Variants in ETNK1 observed in about 807,000 individuals in gnomAD.
ETNK1 encodes putative protein product of Nbla10396.
ETNK1 carries 8 observed loss-of-function variants against 45.1 expected under a neutral mutation model. The ratio of observed to expected loss-of-function variants is 0.18; its 90% CI spans 0.10 to 0.32. ETNK1 has a LOEUF of 0.32. Among genes scored for constraint, ETNK1 ranks in the 10% least tolerant of loss-of-function variants. ETNK1 has a pLI of 1.00. For synonymous variants in ETNK1, 152 were observed against 151.9 expected, an observed-to-expected ratio of 1.00 and a Z score of -0.01; for missense variants, 302 against 430.6, an observed-to-expected ratio of 0.70 and a Z score of 2.64.
At chr12:22,625,692 A>G (rs954697787) in intron 1 of ETNK1, 106 bp downstream of exon 1, 9 of 1,459,236 alleles carry the variant, frequency 6.2e-6, no homozygotes, top group Non-Finnish European at 7.4e-6. Context: ...GACCTAGGGC[A>G]ACATCTCCTT....
At chr12:22,670,536 C>A (rs999396475) in intron 4 of ETNK1, among the ~76,000 whole-genome samples, 1 of 152,140 alleles carries the variant, frequency 6.6e-6, no homozygotes, top group African/African-American at 2.4e-5. Context: ...GTTATAATGA[C>A]ATGCCTATAT....
intron 1 of ETNK1, among the ~76,000 whole-genome samples, chr12:22,639,445 G>A (rs911694734): frequency 1.3e-5 from 2 of 152,138 alleles, no homozygotes; most frequent in African/African-American, 4.8e-5. Flanking sequence ...GGGAGGCCGA[G>A]GCGGGTGGAT....
At position 22,671,319 on chromosome 12, in the gene ETNK1, G is replaced by A; in HGVS notation, c.748G>A (p.Ala250Thr). 2 of 1,610,206 alleles carry A rather than the reference G, an allele frequency of 1.2e-6. No individual in the cohort carries two copies. The highest frequency in any genetic ancestry group is 1.7e-6 in the Non-Finnish European group (2 of 1,177,034). ...TGAATATTCTGGATACAACTACCTG[G>A]CATATGATATTGGAAATCATTTCAA... ...DYEYSGYNYL[A>T]YDIGNHFNEF... The change falls in exon 5 of 8, where the codon GCA becomes ACA. Residue 250 changes from alanine to threonine, a missense_variant. Physicochemically the swap from Ala to Thr is moderately conservative, Grantham distance 58. Around this residue, in one of 3 missense-constraint regions of ETNK1, gnomAD observed 94 missense variants for 152.9 expected, o/e 0.61. Coordinates refer to ENST00000266517, the MANE Select transcript of ETNK1 (RefSeq NM_018638.5).
chr12:22,662,067 CT>C (rs1954006000), intron 4 of ETNK1, among the ~76,000 whole-genome samples: 1 of 62,790 alleles, frequency 1.6e-5, no homozygotes, highest in African/African-American at 5.0e-5. Flanking sequence ...CCCCCCCCCC[CT>C]TTTTTTTTCC....
At chr12:22,646,395 G>T (rs1953807331) in intron 2 of ETNK1, among the ~76,000 whole-genome samples, 1 of 151,686 alleles carries the variant, frequency 6.6e-6, no homozygotes, top group Admixed American at 6.6e-5. Context: ...ATGGTCTGGA[G>T]CCCCAAGAAG....
In ETNK1 at chr12:22,687,085, C is replaced by T. The variant is rs542431700; in HGVS notation, c.*2131C>T. ...AGATTCATAGGGAAGTGAATGTAAC[C>T]AGGAATAAAGGCTCTCACTTTAGCT... On this transcript the variant is annotated 3_prime_UTR_variant, in exon 8 of 8. Coordinates refer to ENST00000266517, the MANE Select transcript of ETNK1 (RefSeq NM_018638.5). The T allele has an allele frequency of 6.6e-6, 1 of 151,568 alleles. No individual in the cohort carries two copies. Among genetic ancestry groups the T allele is most frequent in the African/African-American group, 2.4e-5 (1 of 41,422 alleles). The allele number at this position is 151,568 out of a possible 1,614,324, so 9.4% of individuals were successfully genotyped here.
chr12:22,632,217 A>T (rs2137516841), intron 1 of ETNK1, among the ~76,000 whole-genome samples: 1 of 152,272 alleles, frequency 6.6e-6, no homozygotes, highest in Admixed American at 6.5e-5. Flanking sequence ...AGTTTTACTA[A>T]AAGGTTGTAC....
chr12:22,675,505 G>A (rs1954151656), intron 6 of ETNK1, among the ~76,000 whole-genome samples: 1 of 152,080 alleles, frequency 6.6e-6, no homozygotes. Flanking sequence ...ACAGGCGCAT[G>A]CCACCATGCC....
chr12:22,673,411 A>G (rs181921793), intron 5 of ETNK1, 89 bp from the exon 6 acceptor site: 1 of 977,398 alleles, frequency 1.0e-6, no homozygotes, highest in Non-Finnish European at 1.5e-6. Flanking sequence ...TTCATTTTTT[A>G]TGAAAAAATG....
chr12:22,667,148 T>C (rs914130744), intron 4 of ETNK1, among the ~76,000 whole-genome samples: 12 of 152,192 alleles, frequency 7.9e-5, no homozygotes, highest in African/African-American at 2.9e-4. Flanking sequence ...CCTGAAGTTA[T>C]GAAGAAAGAG....
At position 22,643,975 on chromosome 12, in the gene ETNK1, A is replaced by G; in HGVS notation, c.369A>G (p.Gln123=). Reference sequence around the variant, plus strand: ...ATGGACTATGCTATGAATTTATACAAGGAGAAGCACTGGATCCAAAGCATG... The same window carrying G: ...ATGGACTATGCTATGAATTTATACAGGGAGAAGCACTGGATCCAAAGCATG... The part of the protein sequence containing the change: ...FNNGLCYEFI[Q]GEALDPKHVC... The change falls in exon 2 of 8, where the codon CAA becomes CAG. Residue 123 remains glutamine, a synonymous_variant. Coordinates refer to ENST00000266517, the MANE Select transcript of ETNK1 (RefSeq NM_018638.5). The G allele has an allele frequency of 6.2e-7, 1 of 1,612,556 alleles. No individual in the cohort carries two copies. Among genetic ancestry groups the G allele is most frequent in the Non-Finnish European group, 8.5e-7 (1 of 1,178,816 alleles).
intron 6 of ETNK1, among the ~76,000 whole-genome samples, chr12:22,683,383 ATAGT>A (rs1954231556): frequency 6.6e-6 from 1 of 151,980 alleles, no homozygotes; most frequent in Admixed American, 6.6e-5. Flanking sequence ...GAATAGCTGA[ATAGT>A]TAGTGGTATT....
intron 7 of ETNK1, 124 bp from the exon 8 acceptor site, chr12:22,684,757 TA>T: frequency 1.2e-6 from 1 of 837,786 alleles, no homozygotes; most frequent in Non-Finnish European, 1.8e-6. Flanking sequence ...TGCAATAAAC[TA>T]AAAATATGTC....
At chr12:22,679,177 A>G (rs1440974181) in intron 6 of ETNK1, among the ~76,000 whole-genome samples, 2 of 152,226 alleles carry the variant, frequency 1.3e-5, no homozygotes, top group Non-Finnish European at 2.9e-5. Context: ...GTGGCGCAGT[A>G]CAAGTTTGAA....
chr12:22,641,251 A>G (rs897740937), intron 1 of ETNK1, among the ~76,000 whole-genome samples: 4 of 152,042 alleles, frequency 2.6e-5, no homozygotes, highest in Admixed American at 6.6e-5. Flanking sequence ...TCTGGATTGG[A>G]TGGTGTCAGG....
chr12:22,646,741 G>C (rs1022043231), intron 2 of ETNK1, among the ~76,000 whole-genome samples: 1 of 151,770 alleles, frequency 6.6e-6, no homozygotes, highest in African/African-American at 2.4e-5. Context: ...CTTATATTAT[G>C]ATTATGACGA....
At chr12:22,684,636 T>C in intron 7 of ETNK1, 80 bp downstream of exon 7, 1 of 998,338 alleles carries the variant, frequency 1.0e-6, no homozygotes, top group Non-Finnish European at 1.5e-6. Flanking sequence ...GGGAATATTG[T>C]AGTTATTTGC....
At chr12:22,660,022 C>A (rs1359496211) in intron 3 of ETNK1, among the ~76,000 whole-genome samples, 1 of 143,596 alleles carries the variant, frequency 7.0e-6, no homozygotes, top group Admixed American at 7.1e-5. Context: ...AATTTTCATT[C>A]GACACTACCT....
chr12:22,664,361 C>A (rs1388599661), intron 4 of ETNK1, among the ~76,000 whole-genome samples: 1 of 151,932 alleles, frequency 6.6e-6, no homozygotes, highest in Non-Finnish European at 1.5e-5. Context: ...ATTCAGTTCA[C>A]TAAAAGTGGA....
Sources: allele counts gnomAD v4.1 joint callset (sites outside exome capture counted in the v4.1 genomes callset), GRCh38; gene constraint gnomAD v4.1.1; regional missense constraint gnomAD v4.1.1; transcripts MANE v1.5; gene names NCBI Gene and HGNC (gene_info 2026-07-23, HGNC 2026-07-21).